Variants in CSNK1G1 observed in about 807,000 individuals in gnomAD.
The protein encoded by CSNK1G1 is casein kinase 1 gamma 1.
A neutral mutation model predicts 59.6 loss-of-function variants in CSNK1G1; 22 were observed. That is an observed-to-expected ratio of 0.37 (90% CI 0.26 to 0.53). The LOEUF is 0.53. Ranked by LOEUF, CSNK1G1 falls within the 20% of genes least tolerant of loss-of-function variation. CSNK1G1 has a pLI of 0.89. For synonymous variants in CSNK1G1, 179 were observed against 177.1 expected (o/e 1.01, Z -0.08); for missense variants, 384 against 519.5 (o/e 0.74, Z 2.54).
At chr15:64,234,951 T>C (rs2082595825) in intron 4 of CSNK1G1, among the ~76,000 whole-genome samples, 1 of 152,158 alleles carries the variant, frequency 6.6e-6, no homozygotes, top group South Asian at 2.1e-4. Flanking sequence ...AGAAGGGCTA[T>C]GCAGGAGGCC....
chr15:64,277,845 TTAA>T lies in CSNK1G1; in HGVS notation c.182-18607_182-18605del, dbSNP rs571586990. 5.3e-4 allele frequency among the ~76,000 whole-genome samples: 73 copies of T among 137,642 alleles called. 2 individuals are homozygous for T. The East Asian group carries it at 6.1e-3, about 12-fold the overall frequency. The allele number at this position is 137,642 out of a possible 152,430, so 90.3% of individuals were successfully genotyped here. ...ATATTTAATAATAATATTGATATAT[TTAA>T]TAATAATATTGATATATTTAATAAT... On this transcript the variant is annotated intron_variant, in intron 2 of 11. Coordinates refer to ENST00000303052, the MANE Select transcript of CSNK1G1 (RefSeq NM_022048.5).
chr15:64,347,161 G>A (rs1241069958), intron 1 of CSNK1G1, among the ~76,000 whole-genome samples: 1 of 152,174 alleles, frequency 6.6e-6, no homozygotes, highest in Non-Finnish European at 1.5e-5. Flanking sequence ...TAGTGAGGAC[G>A]TGAAACAACG....
At chr15:64,173,508 T>G (rs1486589622) in intron 11 of CSNK1G1, among the ~76,000 whole-genome samples, 2 of 152,214 alleles carry the variant, frequency 1.3e-5, no homozygotes, top group East Asian at 3.8e-4. Flanking sequence ...TAAATTCTTT[T>G]AAATAAAAGT....
intron 1 of CSNK1G1, among the ~76,000 whole-genome samples, chr15:64,317,894 C>G (rs1298119047): frequency 6.6e-6 from 1 of 152,120 alleles, no homozygotes; most frequent in East Asian, 1.9e-4. Context: ...TTGAGTTTAC[C>G]TGGTAAATAA....
chr15:64,195,404 T>C (rs1442539646), intron 10 of CSNK1G1, among the ~76,000 whole-genome samples: 1 of 152,230 alleles, frequency 6.6e-6, no homozygotes, highest in Non-Finnish European at 1.5e-5. Flanking sequence ...GACGCTATCA[T>C]AACTCCTGAA....
intron 1 of CSNK1G1, among the ~76,000 whole-genome samples, chr15:64,347,287 C>T (rs930675978): frequency 2.0e-5 from 3 of 152,170 alleles, no homozygotes; most frequent in Admixed American, 1.3e-4. Context: ...AGCAATCACA[C>T]TCCTGGGTAT....
chr15:64,265,088 G>C (rs1304656084), intron 2 of CSNK1G1, among the ~76,000 whole-genome samples: 1 of 152,076 alleles, frequency 6.6e-6, no homozygotes, highest in Non-Finnish European at 1.5e-5. Flanking sequence ...CCTGTTTGCA[G>C]ACCACATAAT....
chr15:64,354,924 T>G (rs756634460), intron 1 of CSNK1G1, among the ~76,000 whole-genome samples: 1 of 152,224 alleles, frequency 6.6e-6, no homozygotes, highest in Non-Finnish European at 1.5e-5. Context: ...CTTAAAAGAT[T>G]AAGACACAGG....
chr15:64,248,961 T>A (rs1220522190), intron 4 of CSNK1G1, among the ~76,000 whole-genome samples: 2 of 151,608 alleles, frequency 1.3e-5, no homozygotes, highest in Non-Finnish European at 2.9e-5. Flanking sequence ...TCTATTAAAA[T>A]TACAAAAAAA....
intron 3 of CSNK1G1, among the ~76,000 whole-genome samples, chr15:64,254,502 C>G (rs542073204): frequency 6.6e-6 from 1 of 152,042 alleles, no homozygotes; most frequent in Non-Finnish European, 1.5e-5. Flanking sequence ...CAGGTATGCA[C>G]CACCACACCT....
chr15:64,208,892 T>C (rs2082216469), intron 6 of CSNK1G1, among the ~76,000 whole-genome samples: 3 of 149,350 alleles, frequency 2.0e-5, no homozygotes, highest in Non-Finnish European at 3.0e-5. Flanking sequence ...CTTTTTTCTT[T>C]TTTTTTTTTT....
chr15:64,336,653 C>A (rs1897403599), intron 1 of CSNK1G1, among the ~76,000 whole-genome samples: 1 of 152,014 alleles, frequency 6.6e-6, no homozygotes, highest in Non-Finnish European at 1.5e-5. Context: ...TTCAAAATAA[C>A]TGACATAGAT....
intron 2 of CSNK1G1, among the ~76,000 whole-genome samples, chr15:64,281,577 C>A (rs1894137397): frequency 6.6e-6 from 1 of 152,170 alleles, no homozygotes; most frequent in East Asian, 1.9e-4. Flanking sequence ...GTGGCTCAAG[C>A]CTGCAATCCC....
intron 2 of CSNK1G1, chr15:64,265,659 C>CT (rs1214009852): frequency 4.1e-5 from 14 of 343,526 alleles, no homozygotes; most frequent in South Asian, 2.8e-4. Flanking sequence ...TTTACAATAG[C>CT]TTTAAAAAAA....
intron 2 of CSNK1G1, among the ~76,000 whole-genome samples, chr15:64,280,914 C>A (rs1286264628): frequency 6.6e-6 from 1 of 152,096 alleles, no homozygotes; most frequent in Non-Finnish European, 1.5e-5. Flanking sequence ...GAGTCTCACT[C>A]TGTTGCCCAG....
chr15:64,214,235 T>C lies in CSNK1G1; in HGVS notation c.445-111A>G, dbSNP rs772388615. 2.7e-5 allele frequency: 21 copies of C among 767,046 alleles called. No individual in the cohort carries two copies. Among genetic ancestry groups the C allele is most frequent in the Admixed American group, 1.9e-4 (8 of 41,438 alleles). The allele number at this position is 767,046 out of a possible 1,614,324, so 47.5% of individuals were successfully genotyped here. On this transcript the variant is annotated intron_variant, in intron 5 of 11. Coordinates refer to ENST00000303052, the MANE Select transcript of CSNK1G1 (RefSeq NM_022048.5). This position sits in a 1 kb window ranked among gnomAD's most constrained non-coding sequence, Gnocchi z 4.3. ...TTTAATTATTGAAATAACAGTAAAA[T>C]TCATCTCCTTTCACCGCCCTGAGTC...
chr15:64,237,205 C>A (rs1042470603), intron 4 of CSNK1G1, among the ~76,000 whole-genome samples: 1 of 152,112 alleles, frequency 6.6e-6, no homozygotes, highest in Non-Finnish European at 1.5e-5. Flanking sequence ...GAATACCCTA[C>A]AAACCCTGAC....
chr15:64,270,866 T>C (rs918565968), intron 2 of CSNK1G1, among the ~76,000 whole-genome samples: 1 of 152,194 alleles, frequency 6.6e-6, no homozygotes, highest in East Asian at 1.9e-4. Context: ...CTTTATTTCA[T>C]TATTTACCCA....
intron 6 of CSNK1G1, among the ~76,000 whole-genome samples, chr15:64,213,392 G>C (rs1454997259): frequency 1.3e-5 from 2 of 152,110 alleles, no homozygotes; most frequent in Non-Finnish European, 2.9e-5. Flanking sequence ...TGTTTATCCT[G>C]AGTAAATTGC....
Sources: allele counts gnomAD v4.1 joint callset (sites outside exome capture counted in the v4.1 genomes callset), GRCh38; gene constraint gnomAD v4.1.1; non-coding constraint Gnocchi (gnomAD v3.1); transcripts MANE v1.5; gene names NCBI Gene and HGNC (gene_info 2026-07-23, HGNC 2026-07-21).